PSME4: variants seen among roughly 807,000 people sequenced by gnomAD.
PSME4 encodes proteasome activator subunit 4, also known as proteasome activator complex subunit 4.
In PSME4, 89 loss-of-function variants were observed where a neutral mutation model predicts 253.9. That is an observed-to-expected ratio of 0.35 (90% CI 0.30 to 0.42). PSME4 has a LOEUF of 0.42. PSME4 is among the 10% of genes least tolerant of loss of function. The probability of loss-of-function intolerance (pLI) is 1.00; values close to 1 mark genes in which losing one functional copy is unlikely to be tolerated. For missense variants in PSME4, 2,014 were observed against 2,195.2 expected (o/e 0.92, Z 1.65); for synonymous variants, 851 against 759.2 (o/e 1.12, Z -1.99).
At chr2:53,926,178 T>C (rs1668548626) in intron 12 of PSME4, among the ~76,000 whole-genome samples, 155 bp from the exon 13 acceptor site, 1 of 152,202 alleles carries the variant, frequency 6.6e-6, no homozygotes, top group South Asian at 2.1e-4. Context: ...CATCTACTAC[T>C]TTCAATTTAG....
chr2:53,925,145 A>G (rs968990714), intron 14 of PSME4, among the ~76,000 whole-genome samples: 5 of 152,224 alleles, frequency 3.3e-5, no homozygotes, highest in Non-Finnish European at 7.3e-5. Context: ...ATTTTTAAAC[A>G]GCAGAATCAC....
chr2:53,876,736 T>TTTTTTTA (rs1679145644), intron 41 of PSME4, among the ~76,000 whole-genome samples: 2 of 130,312 alleles, frequency 1.5e-5, no homozygotes, highest in African/African-American at 6.5e-5. Flanking sequence ...TTTTTTTTTT[T>TTTTTTTA]GAGACAGGGT....
At position 53,907,152 on chromosome 2, in the gene PSME4, T is replaced by G. The variant is rs565395744; in HGVS notation, c.2785-284A>C. Among the ~76,000 whole-genome samples, 216 of 152,324 alleles carry G rather than the reference T, an allele frequency of 1.4e-3. 1 individual carries two copies. Among genetic ancestry groups the G allele is most frequent in the Non-Finnish European group, 2.5e-3 (171 of 68,002 alleles). On this transcript the variant is annotated intron_variant, in intron 24 of 46. Coordinates refer to ENST00000404125, the MANE Select transcript of PSME4 (RefSeq NM_014614.3). ...TGCATGGGAGAGCAACAGAGTTGTG[T>G]TCTTATTCAGTTAAATACTGAAAGT...
intron 37 of PSME4, 63 bp from the exon 38 acceptor site, chr2:53,888,875 C>T (rs1442912079): frequency 2.4e-6 from 3 of 1,260,106 alleles, no homozygotes; most frequent in Non-Finnish European, 2.3e-6. Flanking sequence ...ACAAATCATA[C>T]TCAGTTATTT....
intron 43 of PSME4, among the ~76,000 whole-genome samples, chr2:53,871,708 T>C (rs1678886090): frequency 6.6e-6 from 1 of 152,180 alleles, no homozygotes; most frequent in South Asian, 2.1e-4. Flanking sequence ...TCCTAATTTA[T>C]TTTTTAAAGC....
In PSME4 at chr2:53,885,613, T is replaced by G. The variant is rs1162134410; in HGVS notation, c.4815+77A>C. ...CAAAATTCACACTGTCTGAAGAACT[T>G]CAACCATCAGATGATGAACACAAAT... On this transcript the variant is annotated intron_variant, in intron 41 of 46. Coordinates refer to ENST00000404125, the MANE Select transcript of PSME4 (RefSeq NM_014614.3). 2.8e-6 allele frequency: 3 copies of G among 1,079,528 alleles called. No homozygotes were observed. The African/African-American group carries it at 4.7e-5, about 17-fold the overall frequency. 66.9% of individuals were successfully genotyped at this position (1,079,528 alleles called of 1,614,324 possible). A position where few individuals can be genotyped will look rare whatever the true frequency, so the allele number is the denominator to read the frequency against.
intron 18 of PSME4, among the ~76,000 whole-genome samples, 185 bp downstream of exon 18, chr2:53,920,704 A>G (rs1163490051): frequency 6.6e-6 from 1 of 152,246 alleles, no homozygotes; most frequent in South Asian, 2.1e-4. Context: ...TATCAATAGG[A>G]AAGAAAACTA....
intron 1 of PSME4, among the ~76,000 whole-genome samples, chr2:53,953,691 G>C (rs1191116796): frequency 6.6e-6 from 1 of 151,068 alleles, no homozygotes; most frequent in Non-Finnish European, 1.5e-5. Flanking sequence ...ACTCTGGTTT[G>C]ACTTTCCTGT....
chr2:53,937,197 T>G (rs970732575), intron 5 of PSME4, among the ~76,000 whole-genome samples, 194 bp downstream of exon 5: 7 of 152,190 alleles, frequency 4.6e-5, no homozygotes, highest in Non-Finnish European at 7.3e-5. Flanking sequence ...AGCCCTCATC[T>G]TATTTGGGTG....
chr2:53,909,416 T>C (rs966076992), intron 21 of PSME4, among the ~76,000 whole-genome samples: 1 of 152,074 alleles, frequency 6.6e-6, no homozygotes, highest in Non-Finnish European at 1.5e-5. Flanking sequence ...AAATATAGGG[T>C]TACAATATTC....
chr2:53,887,397 G>T lies in PSME4; in HGVS notation c.4591C>A (p.Pro1531Thr). 6.2e-7 allele frequency: 1 copy of T among 1,613,822 alleles called. No individual in the cohort carries two copies. ...TCCAGAATTCGAGCAGTAAACTCAGGGACATGAGGCGATATGGTTGGTGTG... is the reference window on the plus strand; with the variant it reads ...TCCAGAATTCGAGCAGTAAACTCAGTGACATGAGGCGATATGGTTGGTGTG... ...NTTPTISPHV[P>T]EFTARILEKL... Residue 1531 changes from proline to threonine, a missense_variant, in exon 40 of 47, where the codon CCT (proline) becomes ACT (threonine). Physicochemically the swap from Pro to Thr is conservative, Grantham distance 38 (BLOSUM62 -1). Transcript: ENST00000404125.
At chr2:53,887,755 A>G in intron 39 of PSME4, 103 bp downstream of exon 39, 1 of 1,340,682 alleles carries the variant, frequency 7.5e-7, no homozygotes, top group African/African-American at 1.5e-5. Flanking sequence ...AGACACCATG[A>G]AACCCACTGA....
At chr2:53,922,223 A>C (rs575461639) in intron 17 of PSME4, among the ~76,000 whole-genome samples, 1 of 152,262 alleles carries the variant, frequency 6.6e-6, no homozygotes, top group East Asian at 1.9e-4. Flanking sequence ...TTGATGGCCA[A>C]ATTTAAAGTG....
rs140845638 is a variant in PSME4, at chr2:53,918,584, G to A, written c.2516+567C>T. On this transcript the variant is annotated intron_variant, in intron 20 of 46. Transcript: ENST00000404125. ...TCAAACTCCTGCACTCAAAAGATCC[G>A]CCTGCCTCATAAGCCACCGCACTGG... 1.7e-3 allele frequency among the ~76,000 whole-genome samples: 261 copies of A among 152,058 alleles called. 1 individual carries two copies. Among genetic ancestry groups the A allele is most frequent in the Non-Finnish European group, 3.1e-3 (209 of 67,970 alleles).
In PSME4 at chr2:53,869,536, A is replaced by T; in HGVS notation, c.5103T>A (p.Val1701=). The T allele has an allele frequency of 6.6e-7, 1 of 1,511,744 alleles. No individual in the cohort carries two copies. Among genetic ancestry groups the T allele is most frequent in the African/African-American group, 1.4e-5 (1 of 73,694 alleles). 93.6% of individuals were successfully genotyped at this position (1,511,744 alleles called of 1,614,324 possible). A position where few individuals can be genotyped will look rare whatever the true frequency, so the allele number is the denominator to read the frequency against. The change falls in exon 44 of 47, where the codon GTT becomes GTA. Residue 1701 remains valine (V), a splice_region_variant and synonymous_variant. Transcript: ENST00000404125. ...TTAAGGTAGTAGCAGCCATTTCTCG[A>T]ACCTGTAGATATAATAATTTCTATT... ...ISLLEDEQLE[V]REMAATTLSG... is the part of the protein sequence containing the mutation.
intron 20 of PSME4, among the ~76,000 whole-genome samples, chr2:53,914,260 G>C (rs1667958776): frequency 6.6e-6 from 1 of 152,030 alleles, no homozygotes; most frequent in Admixed American, 6.6e-5. Flanking sequence ...GACTGCAAAA[G>C]GAAAAATTAA....
chr2:53,891,269 A>G (rs1679892851), intron 36 of PSME4, among the ~76,000 whole-genome samples: 1 of 152,196 alleles, frequency 6.6e-6, no homozygotes, highest in African/African-American at 2.4e-5. Flanking sequence ...CAGAGACTGC[A>G]TTTACACACA....
At chr2:53,947,001 C>G (rs1332109373) in intron 3 of PSME4, among the ~76,000 whole-genome samples, 1 of 152,168 alleles carries the variant, frequency 6.6e-6, no homozygotes, top group African/African-American at 2.4e-5. Context: ...GCACAATGCA[C>G]TATTCTATTT....
At chr2:53,893,942 C>A in intron 34 of PSME4, 143 bp from the exon 35 acceptor site, 1 of 1,297,734 alleles carries the variant, frequency 7.7e-7, no homozygotes, top group Non-Finnish European at 9.9e-7. Flanking sequence ...TCATAGACTA[C>A]AGTGATTTCT....
Sources: allele counts gnomAD v4.1 joint callset (sites outside exome capture counted in the v4.1 genomes callset), GRCh38; gene constraint gnomAD v4.1.1; transcripts MANE v1.5; gene names NCBI Gene and HGNC (gene_info 2026-07-23, HGNC 2026-07-21).